The following CNTN5 variants were observed in gnomAD, a reference collection of about 807,000 sequenced individuals.
The protein encoded by CNTN5 is contactin 5.
In CNTN5, 77 loss-of-function variants were observed where a neutral mutation model predicts 129.1. The ratio of observed to expected loss-of-function variants is 0.60; its 90% confidence interval spans 0.50 to 0.72. The LOEUF is 0.72. CNTN5 is among the 30% of genes least tolerant of loss of function. The pLI is 0.00. For synonymous variants in CNTN5, 509 were observed against 465.6 expected, an observed-to-expected ratio of 1.09 and a Z score of -1.20; for missense variants, 1,478 against 1,328.8, an observed-to-expected ratio of 1.11 and a Z score of -1.75.
intron 3 of CNTN5, among the ~76,000 whole-genome samples, chr11:99,584,335 G>C (rs150809943): frequency 1.3e-5 from 2 of 152,122 alleles, no homozygotes; most frequent in African/African-American, 2.4e-5. Flanking sequence ...CACTGGCCCT[G>C]ATTACTGTTA....
chr11:99,837,742 A>T (rs781136836), intron 4 of CNTN5, among the ~76,000 whole-genome samples: 14 of 151,796 alleles, frequency 9.2e-5, no homozygotes, highest in Non-Finnish European at 1.9e-4. Flanking sequence ...TGACATTAAA[A>T]TTACACTAAT....
chr11:99,068,637 G>A (rs371631451), intron 1 of CNTN5, among the ~76,000 whole-genome samples: 3 of 152,094 alleles, frequency 2.0e-5, no homozygotes, highest in African/African-American at 7.2e-5. Flanking sequence ...TCAAAGCTGC[G>A]AAGAGCCCCA....
intron 18 of CNTN5, among the ~76,000 whole-genome samples, chr11:100,282,402 G>A (rs1181395716): frequency 6.6e-6 from 1 of 152,242 alleles, no homozygotes; most frequent in African/African-American, 2.4e-5. Context: ...ACCAGGCAGA[G>A]ACTCTTGTTC....
At chr11:99,439,971 C>T (rs1453199700) in intron 2 of CNTN5, among the ~76,000 whole-genome samples, 3 of 151,932 alleles carry the variant, frequency 2.0e-5, no homozygotes, top group Admixed American at 6.6e-5. Context: ...CAATATGGAT[C>T]ATTCGAATAA....
At chr11:99,380,103 G>GTGTA (rs1404387405) in intron 2 of CNTN5, among the ~76,000 whole-genome samples, 1 of 136,562 alleles carries the variant, frequency 7.3e-6, no homozygotes, top group East Asian at 2.1e-4. Flanking sequence ...GTGTGTGTGT[G>GTGTA]TGTATGGTGT....
At chr11:99,643,013 A>G (rs1031364093) in intron 3 of CNTN5, among the ~76,000 whole-genome samples, 2 of 152,202 alleles carry the variant, frequency 1.3e-5, no homozygotes, top group African/African-American at 2.4e-5. Context: ...ATTTAGGTCT[A>G]TTCTGTATCA....
chr11:100,305,606 T>G (rs1951330191), intron 20 of CNTN5, among the ~76,000 whole-genome samples: 1 of 151,690 alleles, frequency 6.6e-6, no homozygotes, highest in Non-Finnish European at 1.5e-5. Context: ...CATTTGCAAC[T>G]TTCCATCATT....
At chr11:99,723,537 A>T (rs7110586) in intron 3 of CNTN5, among the ~76,000 whole-genome samples, 1 of 151,946 alleles carries the variant, frequency 6.6e-6, no homozygotes, top group Non-Finnish European at 1.5e-5. Flanking sequence ...CTACCACCAC[A>T]CCTATCTTGC....
chr11:99,179,116 C>T (rs913119584), intron 1 of CNTN5, among the ~76,000 whole-genome samples: 6 of 152,082 alleles, frequency 3.9e-5, no homozygotes, highest in African/African-American at 1.4e-4. Flanking sequence ...ATTCATTACA[C>T]TTACTGAAAT....
chr11:99,722,391 A>G (rs1943202324), intron 3 of CNTN5, among the ~76,000 whole-genome samples: 1 of 152,160 alleles, frequency 6.6e-6, no homozygotes. Flanking sequence ...CAGAAAACCA[A>G]ATACCACTTG....
intron 2 of CNTN5, among the ~76,000 whole-genome samples, chr11:99,536,851 C>T (rs1350297933): frequency 8.1e-5 from 3 of 36,866 alleles, no homozygotes; most frequent in African/African-American, 2.2e-4. Context: ...CTAGTAGTCA[C>T]ATTAAAAAAA....
chr11:99,731,195 G>T (rs759516737), intron 3 of CNTN5, among the ~76,000 whole-genome samples: 1 of 151,248 alleles, frequency 6.6e-6, no homozygotes, highest in African/African-American at 2.4e-5. Flanking sequence ...TGCAAGCTCC[G>T]CTTCCGGGTT....
intron 3 of CNTN5, among the ~76,000 whole-genome samples, chr11:99,732,198 G>A (rs972049690): frequency 1.6e-4 from 25 of 151,960 alleles, no homozygotes; most frequent in African/African-American, 6.0e-4. Context: ...AGGAAAGAAA[G>A]GAGATAGTGA....
At chr11:100,209,194 C>T (rs1948973535) in intron 15 of CNTN5, among the ~76,000 whole-genome samples, 1 of 152,162 alleles carries the variant, frequency 6.6e-6, no homozygotes, top group African/African-American at 2.4e-5. Context: ...CTAAATGATA[C>T]TTTAGCTGTG....
chr11:99,867,301 T>A (rs1341982688), intron 6 of CNTN5, among the ~76,000 whole-genome samples: 1 of 152,332 alleles, frequency 6.6e-6, no homozygotes, highest in East Asian at 1.9e-4. Flanking sequence ...ATTGAGTACC[T>A]ACTATGCGCC....
rs1241456414 is a variant in CNTN5, at chr11:99,607,396, G to GAGATATCATCTCACACCAGTT, written c.55+51131_55+51151dup. Among the ~76,000 whole-genome samples, 86 of 148,436 alleles carry GAGATATCATCTCACACCAGTT rather than the reference G, an allele frequency of 5.8e-4. 1 individual carries two copies. In the East Asian group the frequency reaches 0.013, roughly 23 times the overall value. On this transcript the variant is annotated intron_variant, in intron 3 of 24. Transcript: ENST00000524871. Reference sequence around the variant, plus strand: ...GAGAAATGCAAATCAAAACCACTGTGAGATATCATCTCACACCAGTTAGAA... The same window carrying GAGATATCATCTCACACCAGTT: ...GAGAAATGCAAATCAAAACCACTGTGAGATATCATCTCACACCAGTTAGATATCATCTCACACCAGTTAGAA...
intron 4 of CNTN5, among the ~76,000 whole-genome samples, chr11:99,828,614 A>C (rs1947042848): frequency 1.3e-5 from 2 of 152,244 alleles, no homozygotes; most frequent in African/African-American, 4.8e-5. Context: ...TTTATTAAAT[A>C]GAAAGTTAAT....
At chr11:99,988,838 GGTGTGTGTGTGTTTGTGTGTGT>G (rs899160850) in intron 8 of CNTN5, among the ~76,000 whole-genome samples, 13 of 108,442 alleles carry the variant, frequency 1.2e-4, no homozygotes, top group African/African-American at 4.4e-4. Flanking sequence ...TTCCAGATGG[GGTGTGTGTGTGTTTGTGTGTGT>G]GTGTGTGTGT....
chr11:99,253,561 AT>A (rs913478048), intron 1 of CNTN5, among the ~76,000 whole-genome samples: 6 of 151,742 alleles, frequency 4.0e-5, no homozygotes, highest in Non-Finnish European at 7.4e-5. Flanking sequence ...TTCACCTAAG[AT>A]TTTTTTATTT....
Sources: allele counts gnomAD v4.1 joint callset (sites outside exome capture counted in the v4.1 genomes callset), GRCh38; gene constraint gnomAD v4.1.1; transcripts MANE v1.5; gene names NCBI Gene and HGNC (gene_info 2026-07-23, HGNC 2026-07-21).